Variants in PSMG2 observed in about 807,000 individuals in gnomAD.
The protein encoded by PSMG2 is CD40 ligand-activated specific transcript 3.
In PSMG2, 21 loss-of-function variants were observed where a neutral mutation model predicts 31.5. The ratio of observed to expected loss-of-function variants is 0.67; its 90% CI spans 0.47 to 0.96. The LOEUF (loss-of-function observed/expected upper bound fraction) is 0.96. PSMG2 is among the 40% of genes least tolerant of loss of function. The pLI is 0.00. For synonymous variants in PSMG2, 120 were observed against 110.4 expected (o/e 1.09, Z -0.54); for missense variants, 318 against 321.2 (o/e 0.99, Z 0.08).
At chr18:12,705,338 A>G (rs1030122965) in intron 1 of PSMG2, among the ~76,000 whole-genome samples, 13 of 152,292 alleles carry the variant, frequency 8.5e-5, no homozygotes, top group Admixed American at 1.3e-4. Flanking sequence ...TGCTGGGATT[A>G]CAGGCATGAG....
intron 1 of PSMG2, chr18:12,674,485 G>C: frequency 7.7e-7 from 1 of 1,294,082 alleles, no homozygotes; most frequent in African/African-American, 1.5e-5. Context: ...CTGCCGGACT[G>C]ATCTGTAAGA....
chr18:12,679,368 G>A (rs900312369), intron 1 of PSMG2: 1 of 152,300 alleles, frequency 6.6e-6, no homozygotes, highest in African/African-American at 2.4e-5. Flanking sequence ...TTCCTGAGTG[G>A]AAGCTGGAAT....
chr18:12,693,060 G>A (rs1007788726), intron 1 of PSMG2, among the ~76,000 whole-genome samples: 20 of 152,146 alleles, frequency 1.3e-4, no homozygotes, highest in Admixed American at 1.2e-3. Context: ...CTGGCCTGAA[G>A]TGATCCTCTT....
chr18:12,662,151 T>G (rs1245638341), intron 1 of PSMG2: 1 of 450,540 alleles, frequency 2.2e-6, no homozygotes, highest in Non-Finnish European at 4.4e-6. Flanking sequence ...GGACAAGTGC[T>G]CCTAAGAGGC....
intron 1 of PSMG2, among the ~76,000 whole-genome samples, chr18:12,661,644 G>A (rs1246876776): frequency 1.3e-5 from 2 of 150,214 alleles, no homozygotes; most frequent in African/African-American, 2.5e-5. Context: ...GCATGGTGAT[G>A]CATGCCTGTA....
chr18:12,704,101 T>A (rs1192942142), intron 1 of PSMG2, among the ~76,000 whole-genome samples: 1 of 151,652 alleles, frequency 6.6e-6, no homozygotes, highest in Non-Finnish European at 1.5e-5. Flanking sequence ...AAGGAGGGAG[T>A]GGCCATGTCA....
Position 12,720,551 on chromosome 18 carries a change from G to A in PSMG2, c.449G>A (p.Ser150Asn), listed in dbSNP as rs148824650. Reference sequence around the variant, plus strand: ...CTACTTACACCTTCCATGCAAAAAAGTGTTCAAAATAAAATAAAGAGCCTT... The same window carrying A: ...CTACTTACACCTTCCATGCAAAAAAATGTTCAAAATAAAATAAAGAGCCTT... ...RYLLTPSMQKSVQNKIKSLNW... is the reference protein window; with the variant it reads ...RYLLTPSMQKNVQNKIKSLNW... The change falls in exon 5 of 7, where the codon AGT becomes AAT. Residue 150 changes from serine (S) to asparagine (N), a missense_variant. Physicochemically the swap from Ser to Asn is conservative, Grantham distance 46. Transcript: ENST00000317615. The A allele has an allele frequency of 1.2e-6, 2 of 1,611,858 alleles. No homozygotes were observed. Among genetic ancestry groups the A allele is most frequent in the Non-Finnish European group, 1.7e-6 (2 of 1,179,212 alleles).
chr18:12,717,574 C>T (rs572939847), intron 3 of PSMG2, among the ~76,000 whole-genome samples: 1 of 152,294 alleles, frequency 6.6e-6, no homozygotes, highest in Admixed American at 6.5e-5. Context: ...ATTACCACAC[C>T]CAAGAAAACC....
chr18:12,712,173 A>G (rs1180965072), intron 2 of PSMG2, among the ~76,000 whole-genome samples: 9 of 152,200 alleles, frequency 5.9e-5, no homozygotes, highest in Non-Finnish European at 8.8e-5. Context: ...ATACAAACAC[A>G]TTGACTCACA....
chr18:12,704,013 T>TA (rs1429104488), intron 1 of PSMG2, among the ~76,000 whole-genome samples: 1 of 152,126 alleles, frequency 6.6e-6, no homozygotes, highest in African/African-American at 2.4e-5. Flanking sequence ...TGGAGTGGTA[T>TA]AAGGCTGGAG....
chr18:12,722,477 G>C (rs543707041), intron 5 of PSMG2, among the ~76,000 whole-genome samples: 2 of 152,298 alleles, frequency 1.3e-5, no homozygotes, highest in East Asian at 3.9e-4. Context: ...CTGCTCATCA[G>C]AGTCCAGGGG....
At chr18:12,701,873 G>C (rs2040165015), upstream of PSMG2, among the ~76,000 whole-genome samples, 1 of 152,212 alleles carries the variant, frequency 6.6e-6, no homozygotes, top group Admixed American at 6.5e-5. Flanking sequence ...GCTCACGCCT[G>C]TAATCCCAGC....
chr18:12,708,651 G>T (rs928765750), intron 2 of PSMG2, among the ~76,000 whole-genome samples: 1 of 150,524 alleles, frequency 6.6e-6, no homozygotes, highest in African/African-American at 2.4e-5. Context: ...GGCACAAGCC[G>T]CTGCGCCCAG....
At chr18:12,723,743 T>A (rs1281764677) in intron 5 of PSMG2, among the ~76,000 whole-genome samples, 1 of 152,198 alleles carries the variant, frequency 6.6e-6, no homozygotes, top group Admixed American at 6.5e-5. Context: ...TAATACTTCT[T>A]TCATATTTAC....
intron 5 of PSMG2, 156 bp from the exon 6 acceptor site, chr18:12,724,343 C>G (rs2040455732): frequency 2.8e-6 from 2 of 704,092 alleles, no homozygotes; most frequent in Non-Finnish European, 4.3e-6. Flanking sequence ...GTAGAAAACT[C>G]TGTGTGGGGC....
chr18:12,688,618 T>G (rs191531979), intron 1 of PSMG2, among the ~76,000 whole-genome samples: 1 of 152,344 alleles, frequency 6.6e-6, no homozygotes, highest in African/African-American at 2.4e-5. Flanking sequence ...ACAAGCTACT[T>G]AACTGTTTTG....
At chr18:12,660,320 AT>A (rs11433721) in intron 1 of PSMG2, among the ~76,000 whole-genome samples, 1,609 of 141,972 alleles carry the variant, frequency 0.011, 12 homozygotes, top group African/African-American at 0.021. Context: ...AAAAAGATGC[AT>A]TTTTTTTTTT....
chr18:12,664,698 CTTT>C (rs76222169), intron 1 of PSMG2, among the ~76,000 whole-genome samples: 2 of 137,594 alleles, frequency 1.5e-5, no homozygotes, highest in Non-Finnish European at 1.6e-5. Flanking sequence ...TTGTCCTGAT[CTTT>C]TTTTTTTTTT....
At chr18:12,695,885 C>CACACACACAA (rs557125479) in intron 1 of PSMG2, among the ~76,000 whole-genome samples, 7 of 149,746 alleles carry the variant, frequency 4.7e-5, no homozygotes, top group South Asian at 2.1e-4. Flanking sequence ...CACACACACA[C>CACACACACAA]TAAAAATTAG....
Sources: gnomAD v4.1 joint callset for allele counts (sites outside exome capture counted in the v4.1 genomes callset) on GRCh38, gnomAD v4.1.1 for gene constraint, MANE v1.5 for transcripts, NCBI Gene and HGNC (gene_info 2026-07-23, HGNC 2026-07-21) for gene names.